EHBP1: variants seen among roughly 807,000 people sequenced by gnomAD.
EHBP1 encodes EH domain binding protein 1, also known as EH domain-binding protein 1.
EHBP1 carries 55 observed loss-of-function variants against 144.0 expected under a neutral mutation model. The ratio of observed to expected loss-of-function variants is 0.38; its 90% CI spans 0.31 to 0.48. The LOEUF is 0.48. Among genes scored for constraint, EHBP1 ranks in the 20% least tolerant of loss-of-function variants. The probability of loss-of-function intolerance (pLI) is 0.98; values close to 1 mark genes in which losing one functional copy is unlikely to be tolerated. For synonymous variants in EHBP1, 469 were observed against 472.7 expected (o/e 0.99, Z 0.10); for missense variants, 1,200 against 1,364.2 (o/e 0.88, Z 1.90).
chr2:62,869,782 G>A (rs532297784), intron 9 of EHBP1, among the ~76,000 whole-genome samples: 2 of 152,254 alleles, frequency 1.3e-5, no homozygotes, highest in Admixed American at 6.5e-5. Flanking sequence ...GCCATGTATT[G>A]TTTATCATTT....
intron 2 of EHBP1, among the ~76,000 whole-genome samples, chr2:62,719,775 A>C (rs2036036356): frequency 6.6e-6 from 1 of 152,226 alleles, no homozygotes. Flanking sequence ...TTTAAAGTAT[A>C]CAGGAGGATG....
intron 10 of EHBP1, among the ~76,000 whole-genome samples, chr2:62,876,985 A>G (rs2152855023): frequency 6.6e-6 from 1 of 152,310 alleles, no homozygotes; most frequent in Non-Finnish European, 1.5e-5. Context: ...ATAGAACCAA[A>G]TCCACATATG....
intron 3 of EHBP1, among the ~76,000 whole-genome samples, chr2:62,760,869 G>A (rs541804595): frequency 5.9e-5 from 9 of 152,122 alleles, no homozygotes; most frequent in Non-Finnish European, 1.0e-4. Flanking sequence ...TAGATCTAAA[G>A]ATATTTTCAG....
intron 5 of EHBP1, among the ~76,000 whole-genome samples, chr2:62,807,371 A>G (rs1394518154): frequency 6.6e-6 from 1 of 152,096 alleles, no homozygotes; most frequent in Non-Finnish European, 1.5e-5. Context: ...AACACGGAGA[A>G]ACCCCCATCT....
chr2:62,734,649 G>C lies in EHBP1; in HGVS notation c.105-12746G>C, dbSNP rs2037937806. Among the ~76,000 whole-genome samples the C allele has an allele frequency of 2.0e-5, 3 of 152,066 alleles. No homozygotes were observed. The South Asian group carries it at 6.2e-4, about 32-fold the overall frequency. On this transcript the variant is annotated intron_variant, in intron 2 of 22. Coordinates refer to ENST00000431489, the MANE Select transcript of EHBP1 (RefSeq NM_001142616.3). ...CATTTAGACCACTGACATTCAAAGT[G>C]GTTATTGGTGTAGTTAATGTCTACC... is the stretch of plus-strand genomic sequence containing the variant.
In EHBP1 at chr2:62,960,903, A is replaced by T. The variant is rs1282011007; in HGVS notation, c.2460+5243A>T. On this transcript the variant is annotated intron_variant, in intron 14 of 22. Transcript: ENST00000431489. Reference sequence around the variant, plus strand: ...CCTTGCTATTCTCGAATCGTACATTATGATACCTTTCTTTGTTGTTATGAT... The same window carrying T: ...CCTTGCTATTCTCGAATCGTACATTTTGATACCTTTCTTTGTTGTTATGAT... Among the ~76,000 whole-genome samples, 4 of 152,306 alleles carry T rather than the reference A, an allele frequency of 2.6e-5. No individual in the cohort carries two copies. The East Asian group carries it at 7.7e-4, about 29-fold the overall frequency.
In EHBP1 at chr2:62,993,882, C is replaced by A; in HGVS notation, c.2884C>A (p.Gln962Lys). ...YIENRPEMKR[Q>K]RSIQEDTKKG... ...CTTTTTTTTTTAAGAGATGAAAAGGCAGAGATCAATACAGGAAGATACAAA... is the reference window on the plus strand; with the variant it reads ...CTTTTTTTTTTAAGAGATGAAAAGGAAGAGATCAATACAGGAAGATACAAA... The change falls in exon 18 of 23, where the codon CAG (glutamine) becomes AAG (lysine). Residue 962 changes from glutamine (Q) to lysine (K), a missense_variant. Gln to Lys is a moderately conservative substitution (Grantham distance 53). Coordinates refer to ENST00000431489, the MANE Select transcript of EHBP1 (RefSeq NM_001142616.3). 4 of 1,552,700 alleles carry A rather than the reference C, an allele frequency of 2.6e-6. No individual in the cohort carries two copies. Among genetic ancestry groups the A allele is most frequent in the South Asian group, 1.2e-5 (1 of 80,004 alleles).
chr2:62,915,219 C>T (rs993646090), intron 10 of EHBP1, among the ~76,000 whole-genome samples: 4 of 151,976 alleles, frequency 2.6e-5, no homozygotes, highest in African/African-American at 9.7e-5. Context: ...ATTTTATATA[C>T]AAACTGTGAT....
chr2:62,803,730 A>G lies in EHBP1; in HGVS notation c.313-22357A>G, dbSNP rs888707859. Reference sequence around the variant, plus strand: ...ATCTTGCAGATATTTTCACCCTGTCATTTTTTCAGCATTGCAAATAGTGCC... The same window carrying G: ...ATCTTGCAGATATTTTCACCCTGTCGTTTTTTCAGCATTGCAAATAGTGCC... On this transcript the variant is annotated intron_variant, in intron 5 of 22. Transcript: ENST00000431489. Among the ~76,000 whole-genome samples, 7 of 152,180 alleles carry G rather than the reference A, an allele frequency of 4.6e-5. No homozygotes were observed. In the South Asian group the frequency reaches 1.2e-3, roughly 27 times the overall value.
At chr2:62,729,197 T>A (rs2037144004) in intron 2 of EHBP1, among the ~76,000 whole-genome samples, 1 of 147,888 alleles carries the variant, frequency 6.8e-6, no homozygotes, top group African/African-American at 2.5e-5. Context: ...CTTATTCTTT[T>A]TTTTTTTCCT....
intron 1 of EHBP1, among the ~76,000 whole-genome samples, chr2:62,681,372 TGTATAA>T (rs1558505168): frequency 9.6e-6 from 1 of 103,780 alleles, no homozygotes; most frequent in African/African-American, 3.8e-5. Flanking sequence ...TGTGTATATA[TGTATAA>T]ATATATAATG....
intron 3 of EHBP1, among the ~76,000 whole-genome samples, chr2:62,758,128 T>G (rs564737249): frequency 6.6e-6 from 1 of 152,278 alleles, no homozygotes; most frequent in Non-Finnish European, 1.5e-5. Flanking sequence ...GTTTTGTTTT[T>G]GAGACAGTCT....
chr2:62,895,883 G>A (rs1455108980), intron 10 of EHBP1, among the ~76,000 whole-genome samples: 1 of 152,118 alleles, frequency 6.6e-6, no homozygotes, highest in East Asian at 1.9e-4. Context: ...GCAGCTGGTT[G>A]GATTGCTCAT....
intron 2 of EHBP1, among the ~76,000 whole-genome samples, chr2:62,715,313 A>G (rs1041324698): frequency 1.3e-5 from 2 of 151,842 alleles, no homozygotes; most frequent in African/African-American, 4.8e-5. Context: ...ATGGGGTTTC[A>G]CCGTGTTAGC....
At chr2:62,883,289 G>A (rs2710652) in intron 10 of EHBP1, among the ~76,000 whole-genome samples, 151,122 of 152,358 alleles carry the variant, frequency 0.99, 74,948 homozygotes, top group Middle Eastern at 1. Flanking sequence ...AAGTTTTCTT[G>A]TAGCTTGAAA....
chr2:62,795,097 AG>A, intron 5 of EHBP1, among the ~76,000 whole-genome samples: 1 of 152,250 alleles, frequency 6.6e-6, no homozygotes, highest in East Asian at 1.9e-4. Flanking sequence ...AATTAGCAAA[AG>A]AAAAAAAAAG....
intron 11 of EHBP1, among the ~76,000 whole-genome samples, chr2:62,943,376 C>CA (rs11306610): frequency 0.18 from 16,006 of 87,588 alleles, 1,602 homozygotes; most frequent in Middle Eastern, 0.23. Flanking sequence ...AACTCCGTCT[C>CA]AAAAAAAAAA....
intron 14 of EHBP1, among the ~76,000 whole-genome samples, chr2:62,969,125 TCTA>T (rs1375597433): frequency 6.6e-6 from 1 of 152,202 alleles, no homozygotes; most frequent in Non-Finnish European, 1.5e-5. Context: ...TTCTGTTAGT[TCTA>T]CTAATGCAAA....
chr2:62,873,904 G>A (rs2050676048), intron 9 of EHBP1, among the ~76,000 whole-genome samples: 1 of 152,112 alleles, frequency 6.6e-6, no homozygotes, highest in South Asian at 2.1e-4. Flanking sequence ...TGAATGAACT[G>A]CTAAAACATG....
Sources: allele counts gnomAD v4.1 joint callset (sites outside exome capture counted in the v4.1 genomes callset), GRCh38; gene constraint gnomAD v4.1.1; transcripts MANE v1.5; gene names NCBI Gene and HGNC (gene_info 2026-07-23, HGNC 2026-07-21).